Variants in GABPA observed in about 807,000 individuals in gnomAD.
GABPA encodes the protein GA binding protein transcription factor subunit alpha.
Under a neutral mutation model 59.4 loss-of-function variants are expected in GABPA, and 4 were observed. The observed-to-expected ratio is 0.07, with a 90% confidence interval of 0.03 to 0.15. The LOEUF (loss-of-function observed/expected upper bound fraction) is 0.15. Among genes scored for constraint, GABPA ranks in the 10% least tolerant of loss-of-function variants. The pLI is 1.00. For synonymous variants in GABPA, 164 were observed against 183.1 expected, an observed-to-expected ratio of 0.90 and a Z score of 0.84; for missense variants, 251 against 543.8, an observed-to-expected ratio of 0.46 and a Z score of 5.36.
chr21:25,740,779 T>C (rs1186680446), intron 1 of GABPA, among the ~76,000 whole-genome samples: 1 of 152,226 alleles, frequency 6.6e-6, no homozygotes, highest in African/African-American at 2.4e-5. Flanking sequence ...GTTTTGCTGT[T>C]TTATAATATT....
chr21:25,763,177 G>A (rs1191934390), intron 7 of GABPA: 5 of 514,276 alleles, frequency 9.7e-6, no homozygotes, highest in South Asian at 8.0e-5. Flanking sequence ...TTTGGGTTTG[G>A]GTACCACCAC....
chr21:25,745,122 T>G, intron 2 of GABPA, 88 bp from the exon 3 acceptor site: 4 of 1,403,538 alleles, frequency 2.8e-6, no homozygotes, highest in Admixed American at 4.0e-5. Context: ...AAATGTGTTT[T>G]GGTTTGGGAT....
intron 2 of GABPA, among the ~76,000 whole-genome samples, chr21:25,743,632 C>A (rs935542677): frequency 6.8e-6 from 1 of 147,470 alleles, no homozygotes; most frequent in Non-Finnish European, 1.5e-5. Flanking sequence ...TATTTGAGGT[C>A]TTCCAAGGTT....
intron 1 of GABPA, among the ~76,000 whole-genome samples, chr21:25,735,891 C>A (rs1167631528): frequency 6.6e-6 from 1 of 152,154 alleles, no homozygotes; most frequent in Non-Finnish European, 1.5e-5. Context: ...GTCCCCTCCT[C>A]GCCCGTCCGC....
rs2036017571 is a variant in GABPA at position 25,771,943 on chromosome 21, C to CT, written c.*2712dup. ...TGATCACAGTTATTTTTGTATCAGT[C>CT]TATGTTATTAGGAAAAATTGTTTAG... On this transcript the variant is annotated 3_prime_UTR_variant, in exon 10 of 10. Coordinates refer to ENST00000400075, the MANE Select transcript of GABPA (RefSeq NM_002040.4). The CT allele has an allele frequency of 6.6e-6, 1 of 151,934 alleles. No individual in the cohort carries two copies. 9.4% of individuals were successfully genotyped at this position (151,934 alleles called of 1,614,324 possible).
At chr21:25,753,765 T>C (rs2035569424) in intron 5 of GABPA, among the ~76,000 whole-genome samples, 1 of 152,078 alleles carries the variant, frequency 6.6e-6, no homozygotes, top group African/African-American at 2.4e-5. Context: ...CTTCCAAGAG[T>C]TGGCGGGGAC....
intron 1 of GABPA, among the ~76,000 whole-genome samples, chr21:25,739,406 G>C (rs563854234): frequency 6.6e-6 from 1 of 152,260 alleles, no homozygotes; most frequent in Admixed American, 6.5e-5. Context: ...TAGGTCTCTG[G>C]GCTAAAATGA....
chr21:25,751,859 T>A, intron 4 of GABPA, 130 bp from the exon 5 acceptor site: 1 of 896,912 alleles, frequency 1.1e-6, no homozygotes, highest in Non-Finnish European at 1.7e-6. Flanking sequence ...CCCCAAATGT[T>A]AACTTTTACT....
At chr21:25,736,835 C>T (rs2035081573) in intron 1 of GABPA, among the ~76,000 whole-genome samples, 1 of 152,142 alleles carries the variant, frequency 6.6e-6, no homozygotes, top group Admixed American at 6.5e-5. Flanking sequence ...GTATGCTTTG[C>T]TTTTTCTTAA....
At chr21:25,748,943 C>A (rs1472386994) in intron 3 of GABPA, 93 bp from the exon 4 acceptor site, 1 of 756,554 alleles carries the variant, frequency 1.3e-6, no homozygotes. Flanking sequence ...TAATTAAGTT[C>A]TGTTTGGTAC....
At chr21:25,753,847 A>G (rs1398360073) in intron 5 of GABPA, among the ~76,000 whole-genome samples, 2 of 152,140 alleles carry the variant, frequency 1.3e-5, no homozygotes, top group African/African-American at 2.4e-5. Context: ...TTTAGAGACA[A>G]GGTTGTACCT....
At position 25,770,249 on chromosome 21, in the gene GABPA, G is replaced by T. The variant is rs1439628395; in HGVS notation, c.*1017G>T. 2 of 152,046 alleles carry T rather than the reference G, an allele frequency of 1.3e-5. No homozygotes were observed. The highest frequency in any genetic ancestry group is 2.9e-5 in the Non-Finnish European group (2 of 67,950). The allele number at this position is 152,046 out of a possible 1,614,324, so 9.4% of individuals were successfully genotyped here. ...AAGGAAAATACGACCTTTGTTATAG[G>T]CAGTCTTCTCTTTAAGACAATACTT... On this transcript the variant is annotated 3_prime_UTR_variant, in exon 10 of 10. Transcript: ENST00000400075.
chr21:25,743,331 A>C (rs985344669), intron 2 of GABPA, among the ~76,000 whole-genome samples: 1 of 152,188 alleles, frequency 6.6e-6, no homozygotes, highest in Non-Finnish European at 1.5e-5. Flanking sequence ...GCTGGAGGGA[A>C]CTTTAAAAGG....
At chr21:25,750,349 G>C (rs1409149182) in intron 4 of GABPA, among the ~76,000 whole-genome samples, 1 of 152,178 alleles carries the variant, frequency 6.6e-6, no homozygotes. Flanking sequence ...GGGGACCTCT[G>C]ATCTGCCTGC....
Position 25,735,207 on chromosome 21 carries a change from C to G in GABPA, c.-398C>G. ...GTGGCCTTTCCCCTAGTTCAAGCTC[C>G]CCTCCGAGTCAGCGTCCTGTTCGTT... On this transcript the variant is annotated 5_prime_UTR_variant, in exon 1 of 10. Transcript: ENST00000400075. 1 of 593,212 alleles carries G rather than the reference C, an allele frequency of 1.7e-6. No individual in the cohort carries two copies. The highest frequency in any genetic ancestry group is 3.0e-6 in the Non-Finnish European group (1 of 330,368). 36.7% of individuals were successfully genotyped at this position (593,212 alleles called of 1,614,324 possible).
intron 1 of GABPA, among the ~76,000 whole-genome samples, chr21:25,735,882 TC>T (rs576875079): frequency 1.8e-3 from 271 of 152,084 alleles, no homozygotes; most frequent in African/African-American, 6.2e-3. Context: ...CCTTTCCGCG[TC>T]CCCTCCTCGC....
chr21:25,748,689 T>C (rs1194174800), intron 3 of GABPA, among the ~76,000 whole-genome samples: 1 of 152,224 alleles, frequency 6.6e-6, no homozygotes, highest in African/African-American at 2.4e-5. Flanking sequence ...TAAACACTTT[T>C]ACTTATTCAT....
rs1003979760 is a variant in GABPA at position 25,735,169 on chromosome 21, A to C, written c.-436A>C. On this transcript the variant is annotated 5_prime_UTR_variant, in exon 1 of 10. The change abolishes an upstream ATG in the 5' untranslated region. Transcript: ENST00000400075. ...CTCCTTGAAACCTTGCTCTGTACGC[A>C]TGCGCTCTTTGAGTGGCCTTTCCCC... 5 of 616,548 alleles carry C rather than the reference A, an allele frequency of 8.1e-6. No individual in the cohort carries two copies. The South Asian group carries it at 9.4e-5, about 12-fold the overall frequency. The allele number at this position is 616,548 out of a possible 1,614,324, so 38.2% of individuals were successfully genotyped here.
In GABPA at chr21:25,739,188, G is replaced by T. The variant is rs1426784900; in HGVS notation, c.-26-2385G>T. 4.6e-5 allele frequency among the ~76,000 whole-genome samples: 7 copies of T among 152,304 alleles called. No homozygotes were observed. In the East Asian group the frequency reaches 1.3e-3, roughly 29 times the overall value. ...GGAAAAATTAGATCATTTTGTATCA[G>T]GCAGTCTAGATTTGGGTGCCAGCTA... On this transcript the variant is annotated intron_variant, in intron 1 of 9. Coordinates refer to ENST00000400075, the MANE Select transcript of GABPA (RefSeq NM_002040.4).
Sources: gnomAD v4.1 joint callset for allele counts (sites outside exome capture counted in the v4.1 genomes callset) on GRCh38, gnomAD v4.1.1 for gene constraint, MANE v1.5 for transcripts, NCBI Gene and HGNC (gene_info 2026-07-23, HGNC 2026-07-21) for gene names.